PARD3B: variants seen among roughly 807,000 people sequenced by gnomAD.
PARD3B encodes par-3 family cell polarity regulator beta, also known as partitioning defective 3 homolog B.
PARD3B carries 103 observed loss-of-function variants against 130.2 expected under a neutral mutation model. The ratio of observed to expected loss-of-function variants is 0.79; its 90% CI spans 0.67 to 0.93. PARD3B has a LOEUF of 0.93. Among genes scored for constraint, PARD3B ranks in the 40% least tolerant of loss-of-function variants. PARD3B has a pLI of 0.00. For missense variants in PARD3B, 1,609 were observed against 1,499.2 expected (o/e 1.07, Z -1.21); for synonymous variants, 583 against 553.2 (o/e 1.05, Z -0.76).
chr2:205,331,993 T>C (rs2105777732), intron 18 of PARD3B, among the ~76,000 whole-genome samples: 1 of 151,964 alleles, frequency 6.6e-6, no homozygotes. Context: ...TAATCCCAGC[T>C]ACTCGGGAAA....
intron 1 of PARD3B, among the ~76,000 whole-genome samples, chr2:204,668,166 A>T (rs1011580468): frequency 6.6e-6 from 1 of 152,160 alleles, no homozygotes; most frequent in African/African-American, 2.4e-5. Context: ...GTTGGTCTGG[A>T]AATATTTTCC....
At chr2:204,793,759 G>A (rs966375031) in intron 2 of PARD3B, among the ~76,000 whole-genome samples, 9 of 151,870 alleles carry the variant, frequency 5.9e-5, no homozygotes, top group Non-Finnish European at 8.8e-5. Context: ...CACCCACTTC[G>A]GCCTCCCAAA....
At chr2:204,998,314 A>G (rs58621317) in intron 3 of PARD3B, among the ~76,000 whole-genome samples, 2,611 of 22,306 alleles carry the variant, frequency 0.12, 85 homozygotes, top group African/African-American at 0.21. Context: ...AACTTAAAGT[A>G]TATATATATA....
intron 11 of PARD3B, among the ~76,000 whole-genome samples, chr2:205,159,407 T>G (rs2034375831): frequency 6.6e-6 from 1 of 152,186 alleles, no homozygotes; most frequent in African/African-American, 2.4e-5. Flanking sequence ...TTTGTATACT[T>G]AGAGAAGCTT....
At chr2:205,390,449 C>T (rs1216898184) in intron 18 of PARD3B, among the ~76,000 whole-genome samples, 1 of 152,142 alleles carries the variant, frequency 6.6e-6, no homozygotes, top group East Asian at 1.9e-4. Context: ...CAGCTGTGAT[C>T]CTACATGGAC....
chr2:205,428,618 A>G (rs1241908207), intron 19 of PARD3B, among the ~76,000 whole-genome samples: 1 of 152,150 alleles, frequency 6.6e-6, no homozygotes, highest in Non-Finnish European at 1.5e-5. Flanking sequence ...GACTAAGACA[A>G]TAATATTGAT....
chr2:205,343,496 A>C (rs2043622431), intron 18 of PARD3B, among the ~76,000 whole-genome samples: 1 of 152,222 alleles, frequency 6.6e-6, no homozygotes, highest in African/African-American at 2.4e-5. Flanking sequence ...CTACAGGGAA[A>C]CTTGTGCTCC....
At position 205,361,290 on chromosome 2, in the gene PARD3B, A is replaced by G. The variant is rs2044380084; in HGVS notation, c.2631-39723A>G. ...TAGGGTCAGGAGCTCATGGAATCGG[A>G]GAAGATGGTAGATGGAAAATCTAAT... On this transcript the variant is annotated intron_variant, in intron 18 of 22. Transcript: ENST00000406610. 2.0e-5 allele frequency among the ~76,000 whole-genome samples: 3 copies of G among 152,134 alleles called. 1 individual carries two copies. The South Asian group carries it at 6.2e-4, about 32-fold the overall frequency.
At chr2:204,980,155 T>C (rs1692540728) in intron 3 of PARD3B, among the ~76,000 whole-genome samples, 2 of 152,074 alleles carry the variant, frequency 1.3e-5, no homozygotes, top group Non-Finnish European at 2.9e-5. Context: ...AATAGAAAAA[T>C]AGGAAAGAAC....
rs150795424 is a variant in PARD3B, at chr2:204,990,932, G to A, written c.394+25609G>A. On this transcript the variant is annotated intron_variant, in intron 3 of 22. Coordinates refer to ENST00000406610, the MANE Select transcript of PARD3B (RefSeq NM_001302769.2). Reference sequence around the variant, plus strand: ...GGTACAGCTTTTCCACCATACACGTGATCAATTGTCAGGCATCATTTATTA... The same window carrying A: ...GGTACAGCTTTTCCACCATACACGTAATCAATTGTCAGGCATCATTTATTA... Among the ~76,000 whole-genome samples, 101 of 152,226 alleles carry A rather than the reference G, an allele frequency of 6.6e-4. No homozygotes were observed. The Middle Eastern group carries it at 0.017, about 26-fold the overall frequency.
At chr2:205,001,798 G>T (rs908962084) in intron 3 of PARD3B, among the ~76,000 whole-genome samples, 1 of 152,186 alleles carries the variant, frequency 6.6e-6, no homozygotes, top group East Asian at 1.9e-4. Flanking sequence ...CTGGTGGAAA[G>T]TTGTTCCAGG....
At chr2:205,379,731 G>T (rs13009831) in intron 18 of PARD3B, among the ~76,000 whole-genome samples, 3,121 of 151,940 alleles carry the variant, frequency 0.021, 82 homozygotes, top group African/African-American at 0.057. Flanking sequence ...AAATTAGCAG[G>T]TATTACAGTG....
intron 14 of PARD3B, among the ~76,000 whole-genome samples, chr2:205,191,075 G>GA (rs5837960): frequency 0.21 from 20,112 of 97,592 alleles, 1,793 homozygotes; most frequent in African/African-American, 0.31. Context: ...GAAAGAAATA[G>GA]AAAAAAAAAA....
At chr2:204,962,943 A>G (rs941335332) in intron 2 of PARD3B, among the ~76,000 whole-genome samples, 38 of 151,972 alleles carry the variant, frequency 2.5e-4, no homozygotes, top group African/African-American at 9.0e-4. Context: ...TACTATTATC[A>G]TCTTCAAGAA....
At chr2:204,556,427 GAA>G in intron 1 of PARD3B, among the ~76,000 whole-genome samples, 1 of 152,292 alleles carries the variant, frequency 6.6e-6, no homozygotes, top group South Asian at 2.1e-4. Flanking sequence ...GCACACACGT[GAA>G]TAAGCCAGTT....
At chr2:204,893,060 TAGCC>T (rs1249873528) in intron 2 of PARD3B, among the ~76,000 whole-genome samples, 3 of 152,136 alleles carry the variant, frequency 2.0e-5, no homozygotes, top group African/African-American at 7.2e-5. Flanking sequence ...GTCTGTGACT[TAGCC>T]CAGGACATTC....
At position 205,290,498 on chromosome 2, in the gene PARD3B, T is replaced by C. The variant is rs537218383; in HGVS notation, c.2186-10032T>C. On this transcript the variant is annotated intron_variant, in intron 16 of 22. Coordinates refer to ENST00000406610, the MANE Select transcript of PARD3B (RefSeq NM_001302769.2). ...ACTTAAAATAAGAATTGAAAGAAGG[T>C]TGAGTGTTTGTTCTGAAATTTACAT... Among the ~76,000 whole-genome samples the C allele has an allele frequency of 5.3e-5, 8 of 152,214 alleles. No homozygotes were observed. The South Asian group carries it at 1.7e-3, about 32-fold the overall frequency.
chr2:205,288,272 C>G lies in PARD3B; in HGVS notation c.2186-12258C>G, dbSNP rs1421283049. Among the ~76,000 whole-genome samples, 1 of 152,030 alleles carries G rather than the reference C, an allele frequency of 6.6e-6. No individual in the cohort carries two copies. The highest frequency in any genetic ancestry group is 1.5e-5 in the Non-Finnish European group (1 of 68,018). On this transcript the variant is annotated intron_variant, in intron 16 of 22. Coordinates refer to ENST00000406610, the MANE Select transcript of PARD3B (RefSeq NM_001302769.2). This position sits in a 1 kb window ranked among gnomAD's most constrained non-coding sequence, Gnocchi z 4.0. Reference sequence around the variant, plus strand: ...ATTAAGATATGTTCCTGCACCCTATCCCTCCTCGTCAGAGAAAAACCTGGG... The same window carrying G: ...ATTAAGATATGTTCCTGCACCCTATGCCTCCTCGTCAGAGAAAAACCTGGG...
In PARD3B at chr2:205,241,336, A is replaced by G. The variant is rs72940317; in HGVS notation, c.2141-4442A>G. Reference sequence around the variant, plus strand: ...TTAGTCTAGAAATCCTATTATCTAAATAAATCGGAAGAAAGATCAAGAGGA... The same window carrying G: ...TTAGTCTAGAAATCCTATTATCTAAGTAAATCGGAAGAAAGATCAAGAGGA... On this transcript the variant is annotated intron_variant, in intron 15 of 22. Transcript: ENST00000406610. This position sits in a 1 kb window ranked among gnomAD's most constrained non-coding sequence, Gnocchi z 4.2. 0.055 allele frequency among the ~76,000 whole-genome samples: 8,360 copies of G among 152,270 alleles called. 344 individuals are homozygous for G. Among genetic ancestry groups the G allele is most frequent in the East Asian group, 0.22 (1,124 of 5,178 alleles).
Sources: gnomAD v4.1 joint callset for allele counts (sites outside exome capture counted in the v4.1 genomes callset) on GRCh38, gnomAD v4.1.1 for gene constraint, Gnocchi (gnomAD v3.1) non-coding constraint, MANE v1.5 for transcripts, NCBI Gene and HGNC (gene_info 2026-07-23, HGNC 2026-07-21) for gene names.